The following MTUS2 variants were observed in gnomAD, a reference collection of about 807,000 sequenced individuals.
MTUS2 encodes the protein microtubule-associated tumor suppressor candidate 2.
A neutral mutation model predicts 114.1 loss-of-function variants in MTUS2; 40 were observed. The observed-to-expected ratio is 0.35, with a 90% CI of 0.27 to 0.46. MTUS2 has a LOEUF of 0.46. Ranked by LOEUF, MTUS2 falls within the 20% of genes least tolerant of loss-of-function variation. MTUS2 has a pLI of 1.00. For synonymous variants in MTUS2, 688 were observed against 672.0 expected, an observed-to-expected ratio of 1.02 and a Z score of -0.37; for missense variants, 1,679 against 1,705.4, an observed-to-expected ratio of 0.98 and a Z score of 0.27.
intron 5 of MTUS2, among the ~76,000 whole-genome samples, chr13:29,110,523 T>C (rs2138860392): frequency 7.4e-6 from 1 of 134,822 alleles, no homozygotes; most frequent in South Asian, 2.7e-4. Context: ...TCTGTAATTA[T>C]GAAATTTAAA....
At chr13:28,996,754 T>C (rs894865390) in intron 2 of MTUS2, among the ~76,000 whole-genome samples, 5 of 152,232 alleles carry the variant, frequency 3.3e-5, no homozygotes, top group Admixed American at 1.3e-4. Flanking sequence ...ATCCCCTTTG[T>C]CATTTTTTAT....
intron 2 of MTUS2, among the ~76,000 whole-genome samples, chr13:28,954,573 A>G (rs1882970118): frequency 6.6e-6 from 1 of 152,174 alleles, no homozygotes; most frequent in Admixed American, 6.5e-5. Flanking sequence ...GGGTGTGGGC[A>G]GTGCTAAGAG....
chr13:29,444,478 CTT>C (rs1165548576), intron 9 of MTUS2, among the ~76,000 whole-genome samples: 1 of 152,216 alleles, frequency 6.6e-6, no homozygotes, highest in Non-Finnish European at 1.5e-5. Flanking sequence ...TCAGAATCAG[CTT>C]TGTCTGTGTT....
intron 9 of MTUS2, among the ~76,000 whole-genome samples, chr13:29,478,175 C>T (rs529382089): frequency 6.6e-6 from 1 of 152,314 alleles, no homozygotes; most frequent in South Asian, 2.1e-4. Context: ...ACAGGAGCCT[C>T]CTTTGGTGCA....
At chr13:29,146,203 C>G (rs972109152) in intron 5 of MTUS2, among the ~76,000 whole-genome samples, 12 of 152,216 alleles carry the variant, frequency 7.9e-5, no homozygotes, top group Admixed American at 7.9e-4. Flanking sequence ...CTGGGAGTCT[C>G]TCCTTCACCC....
At chr13:29,378,450 G>A (rs866445633) in intron 8 of MTUS2, among the ~76,000 whole-genome samples, 2 of 152,186 alleles carry the variant, frequency 1.3e-5, no homozygotes, top group East Asian at 3.9e-4. Context: ...GGGCTAGTTT[G>A]CAGTGCTGAT....
intron 2 of MTUS2, among the ~76,000 whole-genome samples, chr13:28,902,780 T>C (rs925177679): frequency 6.6e-6 from 1 of 152,192 alleles, no homozygotes; most frequent in Admixed American, 6.5e-5. Context: ...GTGGACTGTC[T>C]TTTGTATTAT....
At chr13:29,169,280 C>A (rs1810944024) in intron 5 of MTUS2, among the ~76,000 whole-genome samples, 1 of 152,002 alleles carries the variant, frequency 6.6e-6, no homozygotes, top group South Asian at 2.1e-4. Context: ...GTGAAATATG[C>A]TTATATTTTA....
At chr13:29,492,021 GGT>G (rs144917103) in intron 11 of MTUS2, among the ~76,000 whole-genome samples, 1 of 137,940 alleles carries the variant, frequency 7.2e-6, no homozygotes, top group Admixed American at 7.1e-5. Context: ...GTGTGTGGTA[GGT>G]GTGTGTGTAG....
At chr13:29,191,188 G>A (rs1340398678) in intron 5 of MTUS2, among the ~76,000 whole-genome samples, 1 of 152,118 alleles carries the variant, frequency 6.6e-6, no homozygotes, top group South Asian at 2.1e-4. Context: ...CAGAAATCAA[G>A]TCTGAGTTTG....
chr13:29,031,778 A>C (rs1325334782), intron 3 of MTUS2, among the ~76,000 whole-genome samples: 1 of 151,958 alleles, frequency 6.6e-6, no homozygotes, highest in Non-Finnish European at 1.5e-5. Flanking sequence ...TTGACACATA[A>C]AATTAACCAT....
chr13:29,419,033 A>T (rs965237375), intron 8 of MTUS2, among the ~76,000 whole-genome samples: 2 of 152,210 alleles, frequency 1.3e-5, no homozygotes, highest in African/African-American at 4.8e-5. Context: ...GTGAGCCCAG[A>T]TCAGTAAATT....
intron 8 of MTUS2, among the ~76,000 whole-genome samples, chr13:29,376,864 A>G (rs1050285150): frequency 6.6e-6 from 1 of 152,214 alleles, no homozygotes; most frequent in African/African-American, 2.4e-5. Flanking sequence ...TGATCTACCT[A>G]TATGTTGTCA....
At chr13:29,249,582 A>T (rs1897052155) in intron 5 of MTUS2, among the ~76,000 whole-genome samples, 1 of 151,948 alleles carries the variant, frequency 6.6e-6, no homozygotes, top group Non-Finnish European at 1.5e-5. Flanking sequence ...TTTTTTTAAT[A>T]TGTTTGTTGG....
intron 5 of MTUS2, among the ~76,000 whole-genome samples, chr13:29,192,978 G>C (rs986175274): frequency 2.6e-5 from 4 of 152,164 alleles, no homozygotes; most frequent in Non-Finnish European, 5.9e-5. Context: ...GGGGGTTAAA[G>C]GGGAGGACTC....
At chr13:28,880,821 C>T (rs539370639) in intron 2 of MTUS2, among the ~76,000 whole-genome samples, 3 of 152,262 alleles carry the variant, frequency 2.0e-5, no homozygotes, top group East Asian at 1.9e-4. Flanking sequence ...GTTAACAGTA[C>T]AGCATGGTCT....
intron 5 of MTUS2, among the ~76,000 whole-genome samples, chr13:29,146,729 A>G (rs1892448977): frequency 6.6e-6 from 1 of 152,228 alleles, no homozygotes; most frequent in Non-Finnish European, 1.5e-5. Context: ...TTGGCTTGTA[A>G]TCTTCACATT....
chr13:28,999,277 G>A lies in MTUS2; in HGVS notation c.-242-25180G>A, dbSNP rs554655651. Among the ~76,000 whole-genome samples, 26 of 151,850 alleles carry A rather than the reference G, an allele frequency of 1.7e-4. No homozygotes were observed. The East Asian group carries it at 1.9e-3, about 11-fold the overall frequency. ...TTTTGTCTCAGAGGAGTACCTGGCC[G>A]TGTGAGGTGTCAGTCCGCCCCTACT... On this transcript the variant is annotated intron_variant, in intron 2 of 15. Transcript: ENST00000612955.
Position 29,504,677 on chromosome 13 carries a change from A to G in MTUS2, c.*1471A>G, listed in dbSNP as rs1304825535. 3 of 233,156 alleles carry G rather than the reference A, an allele frequency of 1.3e-5. No homozygotes were observed. The highest frequency in any genetic ancestry group is 6.6e-5 in the African/African-American group (3 of 45,346). The allele number at this position is 233,156 out of a possible 1,614,324, so 14.4% of individuals were successfully genotyped here. On this transcript the variant is annotated 3_prime_UTR_variant, in exon 16 of 16. Transcript: ENST00000612955. ...GTGTGGAAGATTAGGAGCATGATACACAAAAGGAAGAAGTAGTTTTAACAG... is the reference window on the plus strand; with the variant it reads ...GTGTGGAAGATTAGGAGCATGATACGCAAAAGGAAGAAGTAGTTTTAACAG...
Sources: gnomAD v4.1 joint callset for allele counts (sites outside exome capture counted in the v4.1 genomes callset) on GRCh38, gnomAD v4.1.1 for gene constraint, MANE v1.5 for transcripts, NCBI Gene and HGNC (gene_info 2026-07-23, HGNC 2026-07-21) for gene names.